The following CD226 variants were observed in gnomAD, a reference collection of about 807,000 sequenced individuals.
CD226 encodes CD226 molecule.
In CD226, 24 loss-of-function variants were observed where a neutral mutation model predicts 34.9. The observed-to-expected ratio is 0.69, with a 90% CI of 0.50 to 0.97. The LOEUF (loss-of-function observed/expected upper bound fraction) is 0.97, where lower values mean the gene tolerates loss of function less well. Ranked by LOEUF, CD226 falls within the 50% of genes least tolerant of loss-of-function variation. The pLI, the probability that CD226 is intolerant of heterozygous loss-of-function variation, is 0.00. For missense variants in CD226, 397 were observed against 412.7 expected, an observed-to-expected ratio of 0.96 and a Z score of 0.33; for synonymous variants, 148 against 147.4, an observed-to-expected ratio of 1.00 and a Z score of -0.03.
upstream of CD226, chr18:69,961,681 C>T (rs141179003): frequency 0.012 from 1,873 of 152,368 alleles, 23 homozygotes; most frequent in South Asian, 0.037. Flanking sequence ...TTTAGTCCCC[C>T]TCTCTTGAGG....
At chr18:69,943,084 A>G (rs1289122573) in intron 2 of CD226, among the ~76,000 whole-genome samples, 2 of 152,164 alleles carry the variant, frequency 1.3e-5, no homozygotes, top group Non-Finnish European at 2.9e-5. Flanking sequence ...TGGACAAGTG[A>G]GTCTACCACC....
chr18:69,874,535 C>T (rs1983746142), intron 3 of CD226, among the ~76,000 whole-genome samples: 1 of 152,174 alleles, frequency 6.6e-6, no homozygotes, highest in African/African-American at 2.4e-5. Flanking sequence ...GCACAATTTC[C>T]CTTCCTCCTG....
chr18:69,898,173 C>T (rs1242918976), intron 2 of CD226, among the ~76,000 whole-genome samples: 1 of 152,008 alleles, frequency 6.6e-6, no homozygotes, highest in African/African-American at 2.4e-5. Flanking sequence ...GATGCTAGCA[C>T]ACCATGTGGA....
At chr18:69,955,934 T>C (rs999256806) in intron 1 of CD226, among the ~76,000 whole-genome samples, 10 of 150,466 alleles carry the variant, frequency 6.6e-5, no homozygotes, top group Non-Finnish European at 1.5e-4. Context: ...CCTCAAATAA[T>C]CTCATTAAGA....
intron 2 of CD226, among the ~76,000 whole-genome samples, chr18:69,907,446 T>C (rs1343905211): frequency 6.6e-6 from 1 of 152,174 alleles, no homozygotes; most frequent in Non-Finnish European, 1.5e-5. Context: ...TAACTGGGAT[T>C]ACAGGCACAC....
At chr18:69,888,416 C>CTTTTT (rs397771802) in intron 3 of CD226, among the ~76,000 whole-genome samples, 1 of 125,078 alleles carries the variant, frequency 8.0e-6, no homozygotes, top group Non-Finnish European at 1.6e-5. Context: ...TTTCCTTTCT[C>CTTTTT]TTTTTTTTTT....
intron 4 of CD226, among the ~76,000 whole-genome samples, chr18:69,872,569 A>T (rs1983602426): frequency 6.6e-6 from 1 of 152,288 alleles, no homozygotes; most frequent in Non-Finnish European, 1.5e-5. Context: ...ATTAAAAAAA[A>T]TTTAGTATAG....
intron 3 of CD226, among the ~76,000 whole-genome samples, chr18:69,894,202 A>G (rs1453986106): frequency 1.3e-5 from 2 of 150,296 alleles, no homozygotes; most frequent in Non-Finnish European, 3.0e-5. Flanking sequence ...ATGGACCTCT[A>G]TATTTGTACT....
chr18:69,863,922 G>A lies in CD226; in HGVS notation c.*392C>T, dbSNP rs79913944. On this transcript the variant is annotated 3_prime_UTR_variant, in exon 6 of 6. Coordinates refer to ENST00000582621, the MANE Select transcript of CD226 (RefSeq NM_001303618.2). ...GTTGGCAGCCATCTTGCCAACACAA[G>A]AGGAAAGCCTGCATGAGAGTGAGGC... 7.8e-3 allele frequency: 1,222 copies of A among 156,288 alleles called. 22 individuals carry two copies. The highest frequency in any genetic ancestry group is 0.028 in the African/African-American group (1,156 of 41,748). The allele number at this position is 156,288 out of a possible 1,614,324, so 9.7% of individuals were successfully genotyped here. A position where few individuals can be genotyped will look rare whatever the true frequency, so the allele number is the denominator to read the frequency against.
Position 69,858,713 on chromosome 18 carries a change from C to T in CD226, c.*5601G>A, listed in dbSNP as rs1982683171. ...TATGAGCCACCCCTATGTTCAAATA[C>T]TTAACTTTTTTTTTTTTTTTTTTTT... On this transcript the variant is annotated 3_prime_UTR_variant, in exon 6 of 6. Transcript: ENST00000582621. The T allele has an allele frequency of 2.0e-5, 2 of 101,174 alleles. No homozygotes were observed. Among genetic ancestry groups the T allele is most frequent in the African/African-American group, 3.3e-5 (1 of 30,262 alleles). The allele number at this position is 101,174 out of a possible 1,614,324, so 6.3% of individuals were successfully genotyped here.
intron 2 of CD226, among the ~76,000 whole-genome samples, chr18:69,909,359 C>T (rs1332420169): frequency 6.6e-6 from 1 of 152,126 alleles, no homozygotes; most frequent in Non-Finnish European, 1.5e-5. Flanking sequence ...AATGGAAACC[C>T]ACACAGCAGC....
In CD226 at chr18:69,872,343, A is replaced by G. The variant is rs949915222; in HGVS notation, c.830+801T>C. Among the ~76,000 whole-genome samples the G allele has an allele frequency of 2.6e-5, 4 of 152,226 alleles. No individual in the cohort carries two copies. The East Asian group carries it at 7.7e-4, about 29-fold the overall frequency. ...AGCTGATAAGCACAGGAGAACTAGA[A>G]GGGGAAGAAAAACTCAGCCAAGAAT... On this transcript the variant is annotated intron_variant, in intron 4 of 5. Transcript: ENST00000582621.
chr18:69,896,314 T>C, intron 2 of CD226: 1 of 245,964 alleles, frequency 4.1e-6, no homozygotes, highest in Non-Finnish European at 6.5e-6. Context: ...CCTGAGTAGC[T>C]GGGACTATAG....
chr18:69,864,684 G>A (rs1190209987), intron 5 of CD226, among the ~76,000 whole-genome samples: 2 of 152,120 alleles, frequency 1.3e-5, no homozygotes, highest in African/African-American at 4.8e-5. Flanking sequence ...CTGTTTCAAT[G>A]TAGAACTCCC....
Position 69,862,863 on chromosome 18 carries a change from C to G in CD226, c.*1451G>C, listed in dbSNP as rs1982897606. The G allele has an allele frequency of 6.6e-6, 1 of 152,152 alleles. No individual in the cohort carries two copies. Among genetic ancestry groups the G allele is most frequent in the Non-Finnish European group, 1.5e-5 (1 of 68,002 alleles). 9.4% of individuals were successfully genotyped at this position (152,152 alleles called of 1,614,324 possible). ...TTTAAATACAGCCTTCATAATGAAT[C>G]TTTTCTAGATGGTGGTCTTTAGAAA... On this transcript the variant is annotated 3_prime_UTR_variant, in exon 6 of 6. Coordinates refer to ENST00000582621, the MANE Select transcript of CD226 (RefSeq NM_001303618.2).
chr18:69,935,077 G>A (rs927387680), intron 2 of CD226, among the ~76,000 whole-genome samples: 4 of 152,156 alleles, frequency 2.6e-5, no homozygotes, highest in Admixed American at 6.5e-5. Context: ...TCACAGGACA[G>A]CATTAACTCA....
At chr18:69,868,459 C>A (rs1247670334) in intron 4 of CD226, among the ~76,000 whole-genome samples, 2 of 152,122 alleles carry the variant, frequency 1.3e-5, no homozygotes, top group Non-Finnish European at 2.9e-5. Flanking sequence ...TTGAAATCCT[C>A]CTATCATGTC....
chr18:69,960,182 G>A (rs976572153), upstream of CD226, among the ~76,000 whole-genome samples: 1 of 151,396 alleles, frequency 6.6e-6, no homozygotes, highest in African/African-American at 2.4e-5. Context: ...AGTGGTTGTA[G>A]TGAGCCAAGA....
At position 69,880,931 on chromosome 18, in the gene CD226, G is replaced by A. The variant is rs146243337; in HGVS notation, c.728-7685C>T. Among the ~76,000 whole-genome samples, 1,256 of 152,208 alleles carry A rather than the reference G, an allele frequency of 8.3e-3. 37 individuals carry two copies. In the East Asian group the frequency reaches 0.094, roughly 11 times the overall value. On this transcript the variant is annotated intron_variant, in intron 3 of 5. Transcript: ENST00000582621. ...CTCCTAAAGTGCTGGAATTACAGGC[G>A]TGAGCCACAGCACCCAGCCAAGTTT...
Sources: allele counts gnomAD v4.1 joint callset (sites outside exome capture counted in the v4.1 genomes callset), GRCh38; gene constraint gnomAD v4.1.1; transcripts MANE v1.5; gene names NCBI Gene and HGNC (gene_info 2026-07-23, HGNC 2026-07-21).